The following ZNF331 variants were observed in gnomAD, a reference collection of about 807,000 sequenced individuals.
ZNF331 encodes the protein zinc finger protein 331.
Under a neutral mutation model 7.0 loss-of-function variants are expected in ZNF331, and 2 were observed. That is an observed-to-expected ratio of 0.29 (90% CI 0.12 to 0.90). The LOEUF is 0.90. Among genes scored for constraint, ZNF331 ranks in the 40% least tolerant of loss-of-function variants. The pLI is 0.58. For synonymous variants in ZNF331, 196 were observed against 205.4 expected (o/e 0.95, Z 0.39); for missense variants, 432 against 587.7 (o/e 0.74, Z 2.74).
chr19:53,574,247 T>C (rs904409478), intron 5 of ZNF331, among the ~76,000 whole-genome samples: 2 of 152,146 alleles, frequency 1.3e-5, no homozygotes, highest in Non-Finnish European at 1.5e-5. Context: ...TACTGTCTTA[T>C]AGAATTAAGG....
At chr19:53,533,713 G>T (rs1433052283), upstream of ZNF331, among the ~76,000 whole-genome samples, 3 of 152,106 alleles carry the variant, frequency 2.0e-5, no homozygotes, top group South Asian at 6.2e-4. Context: ...TCTTCTTCAT[G>T]AATTGATCCC....
At position 53,538,233 on chromosome 19, in the gene ZNF331, G is replaced by A. The variant is rs1261439273; in HGVS notation, c.-268G>A. 3 of 152,312 alleles carry A rather than the reference G, an allele frequency of 2.0e-5. No individual in the cohort carries two copies. The highest frequency in any genetic ancestry group is 2.9e-5 in the Non-Finnish European group (2 of 68,146). The allele number at this position is 152,312 out of a possible 1,614,324, so 9.4% of individuals were successfully genotyped here. A position where few individuals can be genotyped will look rare whatever the true frequency, so the allele number is the denominator to read the frequency against. Reference sequence around the variant, plus strand: ...ACGCGAGCGTCATTGGGGGCGATGGGGGCCGTGCTGGGTGCGCGTTTGCAC... The same window carrying A: ...ACGCGAGCGTCATTGGGGGCGATGGAGGCCGTGCTGGGTGCGCGTTTGCAC... On this transcript the variant is annotated 5_prime_UTR_variant, in exon 1 of 6. Coordinates refer to ENST00000449416, the MANE Select transcript of ZNF331 (RefSeq NM_001079906.2).
chr19:53,574,776 G>A (rs894924080), intron 5 of ZNF331, among the ~76,000 whole-genome samples: 4 of 152,078 alleles, frequency 2.6e-5, no homozygotes, highest in South Asian at 2.1e-4. Context: ...CAAATGGTGC[G>A]CGCCTATCAC....
At chr19:53,557,368 G>A (rs746815208) in intron 3 of ZNF331, among the ~76,000 whole-genome samples, 45 of 152,164 alleles carry the variant, frequency 3.0e-4, no homozygotes, top group Non-Finnish European at 5.1e-4. Flanking sequence ...GACCACCCTC[G>A]TGCCATGGCC....
At chr19:53,546,703 T>A (rs1026507833) in intron 2 of ZNF331, among the ~76,000 whole-genome samples, 1 of 152,190 alleles carries the variant, frequency 6.6e-6, no homozygotes, top group African/African-American at 2.4e-5. Context: ...AAGAGAAAGT[T>A]AGTTTGTTTA....
At chr19:53,542,380 A>G (rs568327449) in intron 2 of ZNF331, among the ~76,000 whole-genome samples, 11 of 152,244 alleles carry the variant, frequency 7.2e-5, no homozygotes, top group Non-Finnish European at 1.6e-4. Flanking sequence ...ACATCACAAT[A>G]ATCACCCATG....
chr19:53,570,250 T>A (rs1415758479), intron 4 of ZNF331, among the ~76,000 whole-genome samples: 1 of 52,026 alleles, frequency 1.9e-5, no homozygotes, highest in South Asian at 9.6e-4. Flanking sequence ...AGCAAGACTC[T>A]GTCTCAAAAA....
Position 53,576,911 on chromosome 19 carries a change from C to A in ZNF331, c.351C>A (p.Thr117=). 1 of 1,614,036 alleles carries A rather than the reference C, an allele frequency of 6.2e-7. No individual in the cohort carries two copies. Among genetic ancestry groups the A allele is most frequent in the Non-Finnish European group, 8.5e-7 (1 of 1,179,988 alleles). The stretch of plus-strand genomic sequence containing the variant: ...AAAGACCTGCTACTAGAGAAGGCAC[C>A]CCTCCTAGAACACATCAGAGACATC... ...YVKRPATREG[T]PPRTHQRHHK... is the part of the protein sequence containing the mutation. The change falls in exon 6 of 6, where the codon ACC becomes ACA. Residue 117 remains threonine, a synonymous_variant. Coordinates refer to ENST00000449416, the MANE Select transcript of ZNF331 (RefSeq NM_001079906.2).
upstream of ZNF331, among the ~76,000 whole-genome samples, chr19:53,518,646 T>C (rs1483927705): frequency 6.6e-6 from 1 of 150,670 alleles, no homozygotes; most frequent in Non-Finnish European, 1.5e-5. Flanking sequence ...GTGTACTTAA[T>C]CAATATATAT....
At chr19:53,505,159 CT>C in the ZNF331 span, among the ~76,000 whole-genome samples, 3 of 151,982 alleles carry the variant, frequency 2.0e-5, no homozygotes, top group Non-Finnish European at 2.9e-5. Flanking sequence ...AGGGAGCAGT[CT>C]TTTTTTTCTG....
chr19:53,538,809 T>C (rs374382726), intron 1 of ZNF331: 64 of 152,724 alleles, frequency 4.2e-4, no homozygotes, highest in Admixed American at 2.0e-3. Flanking sequence ...ACAGTGCAAC[T>C]TGTAGCTCCA....
chr19:53,526,314 G>C (rs2087291005), intron 2 of ZNF331, among the ~76,000 whole-genome samples: 1 of 152,124 alleles, frequency 6.6e-6, no homozygotes, highest in Admixed American at 6.6e-5. Context: ...CCTTCTCTTG[G>C]ATTTTCTGGA....
intron 2 of ZNF331, among the ~76,000 whole-genome samples, chr19:53,528,498 C>T (rs2708765): frequency 0.35 from 52,452 of 152,028 alleles, 9,770 homozygotes; most frequent in African/African-American, 0.49. Context: ...AGCCATATCT[C>T]ATGGTATTTA....
chr19:53,509,974 C>T, the ZNF331 span, among the ~76,000 whole-genome samples: 1 of 152,110 alleles, frequency 6.6e-6, no homozygotes, highest in Non-Finnish European at 1.5e-5. Flanking sequence ...CATCAGATCT[C>T]GTGAGAACGC....
At chr19:53,530,756 T>C (rs2076511717) in intron 2 of ZNF331, among the ~76,000 whole-genome samples, 1 of 152,236 alleles carries the variant, frequency 6.6e-6, no homozygotes, top group African/African-American at 2.4e-5. Context: ...TGTGTGTGCA[T>C]GTACATTGGC....
chr19:53,540,592 G>A (rs937032899), intron 2 of ZNF331, among the ~76,000 whole-genome samples: 22 of 151,870 alleles, frequency 1.4e-4, no homozygotes, highest in Admixed American at 5.3e-4. Context: ...GTCACCATCC[G>A]CAGCTAATTT....
chr19:53,572,604 ATATATAT>A (rs200124561), intron 5 of ZNF331, among the ~76,000 whole-genome samples: 2,492 of 66,592 alleles, frequency 0.037, 42 homozygotes, highest in African/African-American at 0.073. Context: ...ATATATACAC[ATATATAT>A]TATATATACA....
rs890463068 is a variant in ZNF331, at chr19:53,571,160, C to T, written c.10-444C>T. Among the ~76,000 whole-genome samples, 7 of 152,128 alleles carry T rather than the reference C, an allele frequency of 4.6e-5. No homozygotes were observed. Among genetic ancestry groups the T allele is most frequent in the South Asian group, 2.1e-4 (1 of 4,830 alleles). On this transcript the variant is annotated intron_variant, in intron 4 of 5. Coordinates refer to ENST00000449416, the MANE Select transcript of ZNF331 (RefSeq NM_001079906.2). This position sits in a 1 kb window ranked among gnomAD's most constrained non-coding sequence, Gnocchi z 4.7. ...CCTCCCAAAGTGTTGGGATTACAGG[C>T]GTGAGCCCCCCGCCCAGCCCCAGCA...
At chr19:53,523,213 A>G (rs770226694) in intron 2 of ZNF331, 6 of 151,876 alleles carry the variant, frequency 4.0e-5, no homozygotes, top group African/African-American at 4.8e-5. Context: ...CAATTTTCAA[A>G]TATACTATAT....
Sources: allele counts gnomAD v4.1 joint callset (sites outside exome capture counted in the v4.1 genomes callset), GRCh38; gene constraint gnomAD v4.1.1; non-coding constraint Gnocchi (gnomAD v3.1); transcripts MANE v1.5; gene names NCBI Gene and HGNC (gene_info 2026-07-23, HGNC 2026-07-21).